The following TRAF3 variants were observed in gnomAD, a reference collection of about 807,000 sequenced individuals.
The protein encoded by TRAF3 is TNF receptor associated factor 3.
TRAF3 carries 13 observed loss-of-function variants against 62.3 expected under a neutral mutation model. The observed-to-expected ratio is 0.21, with a 90% CI of 0.14 to 0.33. TRAF3 has a LOEUF of 0.33. Among genes scored for constraint, TRAF3 ranks in the 10% least tolerant of loss-of-function variants. The probability of loss-of-function intolerance (pLI) is 1.00; values close to 1 mark genes in which losing one functional copy is unlikely to be tolerated. For missense variants in TRAF3, 440 were observed against 741.8 expected, an observed-to-expected ratio of 0.59 and a Z score of 4.73; for synonymous variants, 269 against 283.4, an observed-to-expected ratio of 0.95 and a Z score of 0.51.
intron 2 of TRAF3, among the ~76,000 whole-genome samples, chr14:102,834,499 C>T (rs1885854023): frequency 6.6e-6 from 1 of 151,614 alleles, no homozygotes. Context: ...GAGATCGAGA[C>T]CACAGTGAAA....
intron 1 of TRAF3, among the ~76,000 whole-genome samples, chr14:102,828,368 G>T (rs1900452251): frequency 6.6e-6 from 1 of 152,234 alleles, no homozygotes; most frequent in African/African-American, 2.4e-5. Flanking sequence ...GTTGCCTGCA[G>T]TCGGAAGGAG....
intron 6 of TRAF3, among the ~76,000 whole-genome samples, chr14:102,880,454 A>C (rs1441805125): frequency 6.6e-6 from 1 of 152,242 alleles, no homozygotes; most frequent in Non-Finnish European, 1.5e-5. Context: ...AAAGTCAAAA[A>C]ACAACAGATG....
chr14:102,845,296 G>C (rs954537948), intron 2 of TRAF3, among the ~76,000 whole-genome samples: 1 of 150,018 alleles, frequency 6.7e-6, no homozygotes, highest in Non-Finnish European at 1.5e-5. Context: ...TCTGCCTCCC[G>C]GGTTCAAGTG....
At chr14:102,796,168 G>C (rs781685513) in intron 1 of TRAF3, among the ~76,000 whole-genome samples, 5 of 152,358 alleles carry the variant, frequency 3.3e-5, no homozygotes, top group Non-Finnish European at 7.3e-5. Context: ...AGTGAGCCGA[G>C]TTGCACCATT....
rs183616608 is a variant in TRAF3, at chr14:102,787,395, G to A, written c.-157+9720G>A. 5.4e-3 allele frequency among the ~76,000 whole-genome samples: 814 copies of A among 151,778 alleles called. 6 individuals are homozygous for A. Among genetic ancestry groups the A allele is most frequent in the Admixed American group, 9.9e-3 (151 of 15,254 alleles). ...AGCAATAATAATATTCTTCAATTTG[G>A]GCTGGGCGTGGTGGCTCACGCCTGT... On this transcript the variant is annotated intron_variant, in intron 1 of 11. Coordinates refer to ENST00000392745, the MANE Select transcript of TRAF3 (RefSeq NM_145725.3).
At chr14:102,823,332 A>G (rs556481930) in intron 1 of TRAF3, among the ~76,000 whole-genome samples, 2 of 152,334 alleles carry the variant, frequency 1.3e-5, no homozygotes, top group South Asian at 4.1e-4. Context: ...TATTTATTTC[A>G]TAGTAGACAG....
chr14:102,873,671 T>G (rs1888474651), intron 4 of TRAF3, among the ~76,000 whole-genome samples: 1 of 152,156 alleles, frequency 6.6e-6, no homozygotes, highest in Admixed American at 6.5e-5. Context: ...CCTCTGGTCT[T>G]CATCTGTAAA....
Position 102,886,185 on chromosome 14 carries a change from G to C in TRAF3, c.571-4G>C, listed in dbSNP as rs1404946208. 4 of 1,612,800 alleles carry C rather than the reference G, an allele frequency of 2.5e-6. No homozygotes were observed. The highest frequency in any genetic ancestry group is 2.2e-5 in the South Asian group (2 of 91,048). On this transcript the variant is annotated splice_polypyrimidine_tract_variant and splice_region_variant and intron_variant, in intron 6 of 11. Transcript: ENST00000392745. ...AAAGTTGATAGTACTTTCTCTCTCTGTAGAAACACGAAGACACCGACTGTC... is the reference window on the plus strand; with the variant it reads ...AAAGTTGATAGTACTTTCTCTCTCTCTAGAAACACGAAGACACCGACTGTC...
intron 1 of TRAF3, among the ~76,000 whole-genome samples, chr14:102,779,392 A>G (rs1897179985): frequency 1.3e-5 from 2 of 148,924 alleles, no homozygotes; most frequent in African/African-American, 5.0e-5. Flanking sequence ...AGATGGCTTC[A>G]CTCAGTGAGA....
chr14:102,782,243 G>GT (rs1181486529), intron 1 of TRAF3, among the ~76,000 whole-genome samples: 7 of 150,544 alleles, frequency 4.6e-5, no homozygotes, highest in African/African-American at 7.3e-5. Context: ...CGGCCTATTT[G>GT]TTTTTTTTGA....
chr14:102,827,701 A>G (rs1004023627), intron 1 of TRAF3, among the ~76,000 whole-genome samples: 4 of 152,228 alleles, frequency 2.6e-5, no homozygotes, highest in African/African-American at 9.6e-5. Flanking sequence ...TAAACTTAGT[A>G]TTGCATGAAT....
At chr14:102,894,744 T>C (rs1246607957) in intron 9 of TRAF3, among the ~76,000 whole-genome samples, 1 of 152,148 alleles carries the variant, frequency 6.6e-6, no homozygotes, top group African/African-American at 2.4e-5. Context: ...AACTGCTTGA[T>C]TTGTTGGAGA....
intron 8 of TRAF3, among the ~76,000 whole-genome samples, chr14:102,890,523 T>C (rs1249003771): frequency 2.0e-5 from 3 of 152,200 alleles, no homozygotes; most frequent in Non-Finnish European, 4.4e-5. Context: ...TCTGTGTATG[T>C]GTATATATAT....
chr14:102,862,401 CAAAA>C (rs34141177), intron 2 of TRAF3, among the ~76,000 whole-genome samples: 11 of 107,896 alleles, frequency 1.0e-4, no homozygotes, highest in East Asian at 2.5e-4. Flanking sequence ...ATCCCTTCTC[CAAAA>C]AAAAAAAAAA....
chr14:102,831,932 T>C (rs1900717174), intron 2 of TRAF3, among the ~76,000 whole-genome samples: 1 of 152,214 alleles, frequency 6.6e-6, no homozygotes, highest in Non-Finnish European at 1.5e-5. Context: ...GCACAAGGCT[T>C]CTAATATATG....
chr14:102,866,722 A>G (rs1888013592), intron 2 of TRAF3, among the ~76,000 whole-genome samples: 1 of 152,012 alleles, frequency 6.6e-6, no homozygotes, highest in South Asian at 2.1e-4. Flanking sequence ...GCATGTGCCT[A>G]TAATCCTAGC....
rs1890725569 is a variant in TRAF3, at chr14:102,908,960, G to T, written c.*3176G>T. The T allele has an allele frequency of 6.6e-6, 1 of 152,382 alleles. No homozygotes were observed. The highest frequency in any genetic ancestry group is 1.5e-5 in the Non-Finnish European group (1 of 68,158). The allele number at this position is 152,382 out of a possible 1,614,324, so 9.4% of individuals were successfully genotyped here. On this transcript the variant is annotated 3_prime_UTR_variant, in exon 12 of 12. Coordinates refer to ENST00000392745, the MANE Select transcript of TRAF3 (RefSeq NM_145725.3). ...GCCGGGCCTGGAAGCCTGACCCTCT[G>T]GTTCTAGGGCTTGTCCCGCGGAGCC...
rs5811081 is a variant in TRAF3 at position 102,808,512 on chromosome 14, C to CA, written c.-156-21807dup. Among the ~76,000 whole-genome samples, 127 of 134,200 alleles carry CA rather than the reference C, an allele frequency of 9.5e-4. 1 individual carries two copies. The South Asian group carries it at 9.7e-3, about 10-fold the overall frequency. 88.0% of individuals were successfully genotyped at this position (134,200 alleles called of 152,430 possible). Reference sequence around the variant, plus strand: ...TGGGCAACAGAGCGAGACTCCATCTCAAAAAAAAAAAAAAAGAAAAGAAGA... The same window carrying CA: ...TGGGCAACAGAGCGAGACTCCATCTCAAAAAAAAAAAAAAAAGAAAAGAAGA... On this transcript the variant is annotated intron_variant, in intron 1 of 11. Transcript: ENST00000392745.
intron 2 of TRAF3, among the ~76,000 whole-genome samples, chr14:102,842,350 A>G (rs952457435): frequency 6.7e-6 from 1 of 150,156 alleles, no homozygotes; most frequent in African/African-American, 2.4e-5. Context: ...GTATATGTAT[A>G]TATAATGCAG....
Sources: allele counts gnomAD v4.1 joint callset (sites outside exome capture counted in the v4.1 genomes callset), GRCh38; gene constraint gnomAD v4.1.1; transcripts MANE v1.5; gene names NCBI Gene and HGNC (gene_info 2026-07-23, HGNC 2026-07-21).